Variants in SLC2A8 observed in about 807,000 individuals in gnomAD.
SLC2A8 encodes the protein solute carrier family 2 member 8.
In SLC2A8, 53 loss-of-function variants were observed where a neutral mutation model predicts 49.2. That is an observed-to-expected ratio of 1.08 (90% CI 0.86 to 1.35). The LOEUF (loss-of-function observed/expected upper bound fraction) is 1.35, where lower values mean the gene tolerates loss of function less well. SLC2A8 is among the 40% of genes most tolerant of loss of function. SLC2A8 has a pLI of 0.00. For missense variants in SLC2A8, 688 were observed against 671.7 expected (o/e 1.02, Z -0.27); for synonymous variants, 299 against 297.0 (o/e 1.01, Z -0.07).
Position 127,397,426 on chromosome 9 carries a change from G to T in SLC2A8, c.107G>T (p.Gly36Val). 1 of 1,486,596 alleles carries T rather than the reference G, an allele frequency of 6.7e-7. No homozygotes were observed. The highest frequency in any genetic ancestry group is 8.9e-7 in the Non-Finnish European group (1 of 1,126,698). The allele number at this position is 1,486,596 out of a possible 1,614,324, so 92.1% of individuals were successfully genotyped here. A position where few individuals can be genotyped will look rare whatever the true frequency, so the allele number is the denominator to read the frequency against. ...CTCGCCGCCTTCGCCGCTGCCCTGG[G>T]CCCACTCAGCTTCGGCTTCGCGCTC... ...VFLAAFAAAL[G>V]PLSFGFALGY... Residue 36 changes from glycine (G) to valine (V), a missense_variant, in exon 2 of 10, where the codon GGC (glycine) becomes GTC (valine). By Grantham distance (109) the Gly-to-Val change is moderately radical (BLOSUM62 -3). Coordinates refer to ENST00000373371, the MANE Select transcript of SLC2A8 (RefSeq NM_014580.5).
Position 127,407,143 on chromosome 9 carries a change from T to G in SLC2A8, c.1328T>G (p.Leu443Arg). The G allele has an allele frequency of 6.2e-7, 1 of 1,613,676 alleles. No individual in the cohort carries two copies. The highest frequency in any genetic ancestry group is 1.1e-5 in the South Asian group (1 of 91,090). The change falls in exon 10 of 10, where the codon CTT becomes CGT. Residue 443 changes from leucine (L) to arginine (R), a missense_variant. Transcript: ENST00000373371. Reference sequence around the variant, plus strand: ...CTCAGGCCCTATGGAGCCTTCTGGCTTGCCTCCGCTTTCTGCATCTTCAGT... The same window carrying G: ...CTCAGGCCCTATGGAGCCTTCTGGCGTGCCTCCGCTTTCTGCATCTTCAGT... The part of the protein sequence containing the change: ...EVLRPYGAFW[L>R]ASAFCIFSVL...
At chr9:127,405,390 A>AGGCCTGTCT in intron 8 of SLC2A8, 30 bp from the exon 9 acceptor site, 1 of 1,609,274 alleles carries the variant, frequency 6.2e-7, no homozygotes, top group Non-Finnish European at 8.5e-7. Flanking sequence ...GCGGACCCTG[A>AGGCCTGTCT]TGCCTGTCTT....
At position 127,404,586 on chromosome 9, in the gene SLC2A8, C is replaced by G. The variant is rs1833418035; in HGVS notation, c.977-232C>G. 5.6e-6 allele frequency: 3 copies of G among 533,192 alleles called. No individual in the cohort carries two copies. In the South Asian group the frequency reaches 8.2e-5, roughly 15 times the overall value. 33.0% of individuals were successfully genotyped at this position (533,192 alleles called of 1,614,324 possible). A position where few individuals can be genotyped will look rare whatever the true frequency, so the allele number is the denominator to read the frequency against. The stretch of plus-strand genomic sequence containing the variant: ...ACTCGCTGCTGCTTCTGTGCCGGTA[C>G]CTCCCATTTCCTCGGCCCAGAGGGT... On this transcript the variant is annotated intron_variant, in intron 7 of 9. Coordinates refer to ENST00000373371, the MANE Select transcript of SLC2A8 (RefSeq NM_014580.5).
Position 127,404,410 on chromosome 9 carries a change from C to A in SLC2A8, c.976+343C>A, listed in dbSNP as rs1048132829. Reference sequence around the variant, plus strand: ...TTACCTCTCTGAGCCTCAGTCTCCCCCTCTGGGAAGTGGGGGTAATGGCAG... The same window carrying A: ...TTACCTCTCTGAGCCTCAGTCTCCCACTCTGGGAAGTGGGGGTAATGGCAG... On this transcript the variant is annotated intron_variant, in intron 7 of 9. Transcript: ENST00000373371. 8 of 327,978 alleles carry A rather than the reference C, an allele frequency of 2.4e-5. 1 individual carries two copies. Among genetic ancestry groups the A allele is most frequent in the Non-Finnish European group, 2.8e-5 (5 of 177,086 alleles). The allele number at this position is 327,978 out of a possible 1,614,324, so 20.3% of individuals were successfully genotyped here. A position where few individuals can be genotyped will look rare whatever the true frequency, so the allele number is the denominator to read the frequency against.
intron 3 of SLC2A8, among the ~76,000 whole-genome samples, chr9:127,398,690 A>C (rs1238005226): frequency 6.6e-6 from 1 of 152,166 alleles, no homozygotes; most frequent in African/African-American, 2.4e-5. Flanking sequence ...TTCTGCCACT[A>C]ACCTGAGCAG....
At chr9:127,405,277 A>G (rs1833450263) in intron 8 of SLC2A8, 143 bp from the exon 9 acceptor site, 2 of 988,566 alleles carry the variant, frequency 2.0e-6, no homozygotes, top group Non-Finnish European at 2.9e-6. Flanking sequence ...TTGGCAGGAA[A>G]GCATGGAGCT....
rs905093035 is a variant in SLC2A8 at position 127,399,352 on chromosome 9, A to G, written c.427-555A>G. On this transcript the variant is annotated intron_variant, in intron 3 of 9. Transcript: ENST00000373371. This position sits in a 1 kb window ranked among gnomAD's most constrained non-coding sequence, Gnocchi z 4.2. ...AGCTCTGTGCCCACCGCCTCTCGTCATCATATGCAGCCCTCTCCGTTACCC... is the reference window on the plus strand; with the variant it reads ...AGCTCTGTGCCCACCGCCTCTCGTCGTCATATGCAGCCCTCTCCGTTACCC... Among the ~76,000 whole-genome samples the G allele has an allele frequency of 6.6e-6, 1 of 152,150 alleles. No homozygotes were observed. The highest frequency in any genetic ancestry group is 2.4e-5 in the African/African-American group (1 of 41,428).
At position 127,407,025 on chromosome 9, in the gene SLC2A8, C is replaced by A. The variant is rs929842173; in HGVS notation, c.1297-87C>A. The A allele has an allele frequency of 3.4e-6, 5 of 1,488,772 alleles. No individual in the cohort carries two copies. The Admixed American group carries it at 8.7e-5, about 26-fold the overall frequency. The allele number at this position is 1,488,772 out of a possible 1,614,324, so 92.2% of individuals were successfully genotyped here. A position where few individuals can be genotyped will look rare whatever the true frequency, so the allele number is the denominator to read the frequency against. ...GGCAGGCTGGGGTCAGGGGACTGGACCCCCTGGTGGCAGAGCTGTCTCAGT... is the reference window on the plus strand; with the variant it reads ...GGCAGGCTGGGGTCAGGGGACTGGAACCCCTGGTGGCAGAGCTGTCTCAGT... On this transcript the variant is annotated intron_variant, in intron 9 of 9. Coordinates refer to ENST00000373371, the MANE Select transcript of SLC2A8 (RefSeq NM_014580.5).
chr9:127,404,082 C>G lies in SLC2A8; in HGVS notation c.976+15C>G. 9 of 1,539,782 alleles carry G rather than the reference C, an allele frequency of 5.8e-6. No homozygotes were observed. Among genetic ancestry groups the G allele is most frequent in the Non-Finnish European group, 7.9e-6 (9 of 1,132,956 alleles). On this transcript the variant is annotated intron_variant, in intron 7 of 9. Coordinates refer to ENST00000373371, the MANE Select transcript of SLC2A8 (RefSeq NM_014580.5). ...GGTCTTGTCAGGTGAGGGTTCACCC[C>G]TGTGCAGCCTCCCCGCCATGCGGGG...
chr9:127,400,476 C>G (rs1833243410), intron 4 of SLC2A8, among the ~76,000 whole-genome samples: 1 of 152,056 alleles, frequency 6.6e-6, no homozygotes, highest in Non-Finnish European at 1.5e-5. Context: ...TGTCTTATGA[C>G]TGAGTTCCAG....
intron 2 of SLC2A8, 30 bp downstream of exon 2, chr9:127,397,568 T>A: frequency 7.2e-7 from 1 of 1,379,494 alleles, no homozygotes; most frequent in African/African-American, 1.5e-5. Context: ...CCTCCCGCCC[T>A]GGGACCCCAC....
Position 127,404,432 on chromosome 9 carries a change from G to A in SLC2A8, c.976+365G>A, listed in dbSNP as rs1255555041. On this transcript the variant is annotated intron_variant, in intron 7 of 9. Transcript: ENST00000373371. ...CCCCCTCTGGGAAGTGGGGGTAATG[G>A]CAGTGCCTCCCTCAGCACCATTTTG... 2.2e-5 allele frequency: 7 copies of A among 324,756 alleles called. No individual in the cohort carries two copies. The Admixed American group carries it at 2.8e-4, about 13-fold the overall frequency. The allele number at this position is 324,756 out of a possible 1,614,324, so 20.1% of individuals were successfully genotyped here. A position where few individuals can be genotyped will look rare whatever the true frequency, so the allele number is the denominator to read the frequency against.
At chr9:127,403,037 G>A (rs1833352588) in intron 5 of SLC2A8, among the ~76,000 whole-genome samples, 1 of 152,250 alleles carries the variant, frequency 6.6e-6, no homozygotes, top group Non-Finnish European at 1.5e-5. Flanking sequence ...GGGATACAGA[G>A]GCAGAGCTGA....
Position 127,403,770 on chromosome 9 carries a change from T to C in SLC2A8, c.834T>C (p.Tyr278=). Residue 278 remains tyrosine, a synonymous_variant, in exon 6 of 10, where the codon TAT becomes TAC. Transcript: ENST00000373371. ...QLSGVNAVMF[Y]AETIFEEAKF... ...CGGGGGTCAACGCCGTCATGTTCTA[T>C]GCAGAGACCATCTTTGAAGAGGCCA... 1.9e-6 allele frequency: 3 copies of C among 1,613,196 alleles called. No individual in the cohort carries two copies. Among genetic ancestry groups the C allele is most frequent in the Non-Finnish European group, 2.5e-6 (3 of 1,179,944 alleles).
At chr9:127,401,430 A>G (rs1177127782) in intron 4 of SLC2A8, among the ~76,000 whole-genome samples, 1 of 152,210 alleles carries the variant, frequency 6.6e-6, no homozygotes, top group Non-Finnish European at 1.5e-5. Context: ...GATGATACAC[A>G]GGTCTTTGGT....
chr9:127,403,857 C>T (rs964599423), intron 6 of SLC2A8, 54 bp downstream of exon 6: 2 of 1,602,832 alleles, frequency 1.2e-6, no homozygotes, highest in Non-Finnish European at 1.7e-6. Flanking sequence ...GATGGAGCTT[C>T]CTCCCCAAGC....
chr9:127,397,646 C>G, intron 2 of SLC2A8, 108 bp downstream of exon 2: 1 of 1,323,444 alleles, frequency 7.6e-7, no homozygotes, highest in Non-Finnish European at 9.7e-7. Context: ...AGGCATCGGG[C>G]CCCGCCGCCA....
chr9:127,397,786 T>G (rs1833094709), intron 2 of SLC2A8, 119 bp from the exon 3 acceptor site: 1 of 1,144,674 alleles, frequency 8.7e-7, no homozygotes, highest in Non-Finnish European at 1.2e-6. Context: ...CCCCTACCCC[T>G]CCCCTCGGGA....
chr9:127,406,435 A>AGG (rs1250119239), intron 9 of SLC2A8, among the ~76,000 whole-genome samples: 2 of 152,220 alleles, frequency 1.3e-5, no homozygotes, highest in East Asian at 3.9e-4. Context: ...TGCAGCTGGG[A>AGG]GGGGATGCGC....
Sources: allele counts gnomAD v4.1 joint callset (sites outside exome capture counted in the v4.1 genomes callset), GRCh38; gene constraint gnomAD v4.1.1; non-coding constraint Gnocchi (gnomAD v3.1); transcripts MANE v1.5; gene names NCBI Gene and HGNC (gene_info 2026-07-23, HGNC 2026-07-21).